The following KIFC3 variants were observed in gnomAD, a reference collection of about 807,000 sequenced individuals.
KIFC3 encodes the protein kinesin family member C3, also known as kinesin-like protein KIFC3.
KIFC3 carries 60 observed loss-of-function variants against 101.8 expected under a neutral mutation model. The observed-to-expected ratio is 0.59, with a 90% CI of 0.48 to 0.73. The LOEUF is 0.73. Ranked by LOEUF, KIFC3 falls within the 30% of genes least tolerant of loss-of-function variation. KIFC3 has a pLI of 0.00. For missense variants in KIFC3, 966 were observed against 1,137.1 expected, an observed-to-expected ratio of 0.85 and a Z score of 2.16; for synonymous variants, 476 against 482.7, an observed-to-expected ratio of 0.99 and a Z score of 0.18.
At chr16:57,811,033 A>G (rs896325325) in intron 1 of KIFC3, among the ~76,000 whole-genome samples, 7 of 152,180 alleles carry the variant, frequency 4.6e-5, no homozygotes, top group African/African-American at 1.7e-4. Context: ...GCCACAAGGA[A>G]GTGAGTGGGC....
intron 1 of KIFC3, among the ~76,000 whole-genome samples, chr16:57,850,895 T>C (rs1205568458): frequency 6.6e-6 from 1 of 152,198 alleles, no homozygotes; most frequent in Non-Finnish European, 1.5e-5. Context: ...CTTTGTTCTC[T>C]CTGGAATTCT....
rs541464887 is a variant in KIFC3 at position 57,838,720 on chromosome 16, A to G, written c.108+24009T>C. ...TTTAAGACCATCAGGGTTACGCTTG[A>G]TCATAGCTTTGCTTAATCCATTTCT... On this transcript the variant is annotated intron_variant, in intron 1 of 2. Coordinates refer to the KIFC3 transcript ENST00000563028. 2.0e-5 allele frequency among the ~76,000 whole-genome samples: 3 copies of G among 152,270 alleles called. No individual in the cohort carries two copies. In the East Asian group the frequency reaches 5.8e-4, roughly 29 times the overall value.
rs1415330187 is a variant in KIFC3 at position 57,862,724 on chromosome 16, CTTACCTTG to C, written c.105_108+4del. ...CCCACTGCCCCAACCCAGCCAGGCCCTTACCTTGCACTGCTCCGGGACACCAGCCTCCA... is the reference window on the plus strand; with the variant it reads ...CCCACTGCCCCAACCCAGCCAGGCCCCACTGCTCCGGGACACCAGCCTCCA... On this transcript the variant is annotated splice_donor_variant and splice_donor_region_variant and coding_sequence_variant and intron_variant, in exon 1 of 3. Coordinates refer to the KIFC3 transcript ENST00000563028. LOFTEE classifies it high-confidence loss of function. 7.9e-7 allele frequency: 1 copy of C among 1,273,518 alleles called. No homozygotes were observed. Among genetic ancestry groups the C allele is most frequent in the African/African-American group, 1.5e-5 (1 of 65,488 alleles). 78.9% of individuals were successfully genotyped at this position (1,273,518 alleles called of 1,614,324 possible). A position where few individuals can be genotyped will look rare whatever the true frequency, so the allele number is the denominator to read the frequency against.
chr16:57,818,870 A>G (rs1555629403), intron 1 of KIFC3, among the ~76,000 whole-genome samples: 2 of 152,170 alleles, frequency 1.3e-5, no homozygotes, highest in African/African-American at 4.8e-5. Flanking sequence ...GCTTAAATTT[A>G]CCTCCTCAAA....
intron 1 of KIFC3, among the ~76,000 whole-genome samples, chr16:57,833,221 T>C (rs1555479698): frequency 1.3e-5 from 2 of 151,932 alleles, no homozygotes; most frequent in Admixed American, 1.3e-4. Flanking sequence ...TATATATATA[T>C]ATATGCCCAG....
chr16:57,834,472 T>C (rs1243609400), intron 1 of KIFC3, among the ~76,000 whole-genome samples: 1 of 152,166 alleles, frequency 6.6e-6, no homozygotes, highest in Non-Finnish European at 1.5e-5. Flanking sequence ...AATTCTGAAG[T>C]CTCTGTAAAA....
chr16:57,761,428 C>A lies in KIFC3; in HGVS notation c.1857G>T (p.Val619=), dbSNP rs1567932144. The change falls in exon 14 of 20, where the codon GTG becomes GTT. Residue 619 remains valine (V), a synonymous_variant. Transcript: ENST00000445690. ...GCCTCCACACCTTGTTGATGTCGTC[C>A]ACGCTCTGCACTTGGAACTCAGTCA... is the stretch of plus-strand genomic sequence containing the variant. ...PGLTEFQVQS[V]DDINKVFEFG... The A allele has an allele frequency of 6.2e-7, 1 of 1,614,062 alleles. No individual in the cohort carries two copies. The highest frequency in any genetic ancestry group is 2.2e-5 in the East Asian group (1 of 44,886).
intron 1 of KIFC3, among the ~76,000 whole-genome samples, chr16:57,814,608 A>G (rs539308847): frequency 6.6e-6 from 1 of 152,082 alleles, no homozygotes; most frequent in Middle Eastern, 3.4e-3. Flanking sequence ...TGTCATTAGG[A>G]CCACCATCAT....
intron 3 of KIFC3, among the ~76,000 whole-genome samples, chr16:57,785,877 G>A (rs2053267710): frequency 6.6e-6 from 1 of 152,110 alleles, no homozygotes; most frequent in Non-Finnish European, 1.5e-5. Context: ...GGCAGCATCT[G>A]GGGGATGAAA....
chr16:57,809,549 G>A (rs1186114062), intron 1 of KIFC3, among the ~76,000 whole-genome samples: 1 of 152,184 alleles, frequency 6.6e-6, no homozygotes, highest in African/African-American at 2.4e-5. Flanking sequence ...TATTTGAGTA[G>A]CTCCCATTTT....
chr16:57,760,563 C>A (rs771524563), intron 16 of KIFC3, 147 bp from the exon 17 acceptor site: 1 of 1,159,082 alleles, frequency 8.6e-7, no homozygotes, highest in Non-Finnish European at 1.2e-6. Context: ...GGCAGAGGTG[C>A]TGTGGTCAAA....
chr16:57,853,036 T>C (rs62041764), intron 1 of KIFC3, among the ~76,000 whole-genome samples: 12,656 of 152,120 alleles, frequency 0.083, 522 homozygotes, highest in South Asian at 0.13. Context: ...TAGAAAATCC[T>C]GAAGACAAGG....
At chr16:57,858,758 C>A (rs559394243) in intron 1 of KIFC3, among the ~76,000 whole-genome samples, 1 of 152,038 alleles carries the variant, frequency 6.6e-6, no homozygotes, top group Non-Finnish European at 1.5e-5. Context: ...ACCAGCCTGG[C>A]CAACACGGTA....
intron 1 of KIFC3, among the ~76,000 whole-genome samples, chr16:57,842,219 C>T (rs1179036145): frequency 6.7e-6 from 1 of 148,874 alleles, no homozygotes; most frequent in Non-Finnish European, 1.5e-5. Flanking sequence ...AATAAAAAAT[C>T]TCCTCATGCT....
Position 57,798,174 on chromosome 16 carries a change from G to A in KIFC3, c.70C>T (p.Arg24Trp), listed in dbSNP as rs574419619. The change falls in exon 2 of 20, where the codon CGG becomes TGG. Residue 24 changes from arginine (R) to tryptophan (W), a missense_variant. By Grantham distance (101) the Arg-to-Trp change is moderately radical (BLOSUM62 -3). Around this residue, in one of 2 missense-constraint regions of KIFC3, gnomAD observed 277 missense variants for 252.5 expected, o/e 1.10. Transcript: ENST00000445690. ...ATCCCCGGCTCGGGCTCCGGGGCCC[G>A]GCCCACTCTCCACAGGCCCCGCAGC... is the stretch of plus-strand genomic sequence containing the variant. The part of the protein sequence containing the change: ...PSLRGLWRVG[R>W]APEPEPGMAR... 310 of 1,540,202 alleles carry A rather than the reference G, an allele frequency of 2.0e-4. 1 individual carries two copies. The highest frequency in any genetic ancestry group is 2.4e-4 in the Non-Finnish European group (279 of 1,143,114).
intron 2 of KIFC3, among the ~76,000 whole-genome samples, chr16:57,795,877 C>CTTTTTTTTTTTTTTTTTTTTTTTTTTTTT (rs1568047538): frequency 1.2e-5 from 1 of 81,098 alleles, no homozygotes; most frequent in African/African-American, 3.6e-5. Flanking sequence ...TTTTTTTGGG[C>CTTTTTTTTTTTTTTTTTTTTTTTTTTTTT]TTTTTTGTTT....
At chr16:57,782,933 C>A (rs550460127) in intron 3 of KIFC3, among the ~76,000 whole-genome samples, 1 of 152,132 alleles carries the variant, frequency 6.6e-6, no homozygotes, top group Non-Finnish European at 1.5e-5. Context: ...GCAACAAGAG[C>A]GAAACTCCAT....
intron 1 of KIFC3, among the ~76,000 whole-genome samples, chr16:57,855,119 C>CTT (rs1229988962): frequency 4.5e-4 from 47 of 105,052 alleles, no homozygotes; most frequent in South Asian, 1.3e-3. Flanking sequence ...CCATTTCTTT[C>CTT]TTTTTTTTTT....
intron 9 of KIFC3, among the ~76,000 whole-genome samples, chr16:57,768,019 T>A (rs9888920): frequency 1.3e-5 from 2 of 151,844 alleles, no homozygotes; most frequent in Admixed American, 1.3e-4. Context: ...TTATAATATC[T>A]AATACAATGA....
Sources: allele counts gnomAD v4.1 joint callset (sites outside exome capture counted in the v4.1 genomes callset), GRCh38; gene constraint gnomAD v4.1.1; regional missense constraint gnomAD v4.1.1; transcripts MANE v1.5; gene names NCBI Gene and HGNC (gene_info 2026-07-23, HGNC 2026-07-21).